The following CDH13 variants were observed in gnomAD, a reference collection of about 807,000 sequenced individuals.
The protein encoded by CDH13 is cadherin 13, also known as cadherin-13.
In CDH13, 24 loss-of-function variants were observed where a neutral mutation model predicts 63.8. That is an observed-to-expected ratio of 0.38 (90% CI 0.27 to 0.53). CDH13 has a LOEUF of 0.53. CDH13 is among the 20% of genes least tolerant of loss of function. The probability of loss-of-function intolerance (pLI) is 0.85; values close to 1 mark genes in which losing one functional copy is unlikely to be tolerated. For missense variants in CDH13, 1,049 were observed against 903.1 expected (o/e 1.16, Z -2.07); for synonymous variants, 503 against 355.3 (o/e 1.42, Z -4.67).
At chr16:83,129,531 G>T (rs930679204) in intron 4 of CDH13, among the ~76,000 whole-genome samples, 3 of 152,136 alleles carry the variant, frequency 2.0e-5, no homozygotes, top group Non-Finnish European at 4.4e-5. Context: ...GTAATGTCAG[G>T]GGCTAACTTT....
chr16:83,476,776 T>C (rs7498834), intron 6 of CDH13, among the ~76,000 whole-genome samples: 148,771 of 152,352 alleles, frequency 0.98, 72,745 homozygotes, highest in Middle Eastern at 1. Flanking sequence ...AGAGTTACAA[T>C]TACTTCAGGC....
intron 6 of CDH13, among the ~76,000 whole-genome samples, chr16:83,371,149 C>G (rs889604080): frequency 1.3e-5 from 2 of 152,244 alleles, no homozygotes; most frequent in South Asian, 2.1e-4. Context: ...GAACTTAAAA[C>G]TACCATTCAA....
chr16:83,422,553 C>T, intron 6 of CDH13, among the ~76,000 whole-genome samples: 1 of 152,196 alleles, frequency 6.6e-6, no homozygotes, highest in East Asian at 1.9e-4. Context: ...CGATAAATGT[C>T]TTGAAAGCTC....
At chr16:83,691,071 CGTGTGTGTGTGTGTGT>C (rs58023339) in intron 10 of CDH13, among the ~76,000 whole-genome samples, 125 of 140,992 alleles carry the variant, frequency 8.9e-4, no homozygotes, top group South Asian at 2.5e-3. Context: ...CCAACTGTGC[CGTGTGTGTGTGTGTGT>C]GTGTGTGTGT....
At chr16:83,026,219 G>A (rs1324447043) in intron 2 of CDH13, among the ~76,000 whole-genome samples, 1 of 152,202 alleles carries the variant, frequency 6.6e-6, no homozygotes, top group Non-Finnish European at 1.5e-5. Context: ...GATGCCCAAG[G>A]GGGCCATGTT....
intron 7 of CDH13, among the ~76,000 whole-genome samples, chr16:83,521,252 G>A (rs1284819422): frequency 6.6e-6 from 1 of 151,976 alleles, no homozygotes; most frequent in Non-Finnish European, 1.5e-5. Context: ...CAGCTTTAAG[G>A]CTTTATTATT....
intron 7 of CDH13, among the ~76,000 whole-genome samples, chr16:83,570,860 ATATATT>A (rs1567773600): frequency 7.2e-6 from 1 of 139,786 alleles, no homozygotes; most frequent in African/African-American, 2.6e-5. Context: ...ATAAATATAA[ATATATT>A]TATATATTTA....
intron 2 of CDH13, among the ~76,000 whole-genome samples, chr16:82,860,411 G>A (rs150320983): frequency 0.022 from 3,182 of 147,098 alleles, 96 homozygotes; most frequent in Middle Eastern, 0.1. Context: ...GGCGGTGTGC[G>A]TGTGTGCTTT....
intron 10 of CDH13, among the ~76,000 whole-genome samples, chr16:83,697,568 CATAAG>C (rs1411240364): frequency 6.6e-6 from 1 of 152,212 alleles, no homozygotes; most frequent in African/African-American, 2.4e-5. Context: ...CAGAAGTGCA[CATAAG>C]ATAAGGCCGT....
chr16:82,981,172 C>G (rs999264318), intron 2 of CDH13, among the ~76,000 whole-genome samples: 3 of 152,158 alleles, frequency 2.0e-5, no homozygotes, highest in Non-Finnish European at 2.9e-5. Flanking sequence ...AAAAATTATT[C>G]AAAAGGAGGG....
chr16:82,815,666 G>A (rs532776679), intron 1 of CDH13, among the ~76,000 whole-genome samples: 26 of 152,218 alleles, frequency 1.7e-4, no homozygotes, highest in African/African-American at 6.0e-4. Context: ...TTCTTTTCCA[G>A]TCTCCACAGG....
intron 2 of CDH13, among the ~76,000 whole-genome samples, chr16:83,021,170 A>G (rs1265866954): frequency 6.6e-6 from 1 of 152,098 alleles, no homozygotes; most frequent in African/African-American, 2.4e-5. Flanking sequence ...CACTTACTCA[A>G]ATCTTCACTT....
At chr16:83,388,939 A>C (rs1262152832) in intron 6 of CDH13, among the ~76,000 whole-genome samples, 1 of 152,184 alleles carries the variant, frequency 6.6e-6, no homozygotes, top group African/African-American at 2.4e-5. Context: ...GGTCTAAAGC[A>C]CAATTTTCAA....
chr16:83,515,771 C>T (rs1277032632), intron 7 of CDH13, among the ~76,000 whole-genome samples: 2 of 152,280 alleles, frequency 1.3e-5, no homozygotes, highest in Non-Finnish European at 2.9e-5. Context: ...TTTTAAAACA[C>T]ACCAAGCAAA....
At chr16:83,315,760 C>T (rs1427060016) in intron 5 of CDH13, among the ~76,000 whole-genome samples, 2 of 152,070 alleles carry the variant, frequency 1.3e-5, no homozygotes, top group East Asian at 1.9e-4. Flanking sequence ...AGGTGACCAT[C>T]AATTTATATC....
intron 7 of CDH13, among the ~76,000 whole-genome samples, chr16:83,513,454 T>C (rs978668064): frequency 2.0e-5 from 3 of 152,208 alleles, no homozygotes; most frequent in Admixed American, 2.0e-4. Flanking sequence ...CATGCTGCTA[T>C]AAAGACTTAC....
intron 3 of CDH13, among the ~76,000 whole-genome samples, chr16:83,071,079 C>G (rs1274220315): frequency 6.6e-6 from 1 of 152,036 alleles, no homozygotes; most frequent in African/African-American, 2.4e-5. Flanking sequence ...GCATGAGACA[C>G]CATGCCTCTT....
At chr16:83,643,842 C>T (rs1054569826) in intron 8 of CDH13, among the ~76,000 whole-genome samples, 9 of 152,132 alleles carry the variant, frequency 5.9e-5, no homozygotes, top group African/African-American at 2.2e-4. Context: ...CTGGAGAGCC[C>T]CCCAAGTTTC....
At chr16:83,285,952 A>G (rs1291932834) in intron 5 of CDH13, among the ~76,000 whole-genome samples, 2 of 152,198 alleles carry the variant, frequency 1.3e-5, no homozygotes, top group African/African-American at 2.4e-5. Context: ...GGCGAACTGG[A>G]GGGTTCCTGC....
Sources: gnomAD v4.1 joint callset for allele counts (sites outside exome capture counted in the v4.1 genomes callset) on GRCh38, gnomAD v4.1.1 for gene constraint, MANE v1.5 for transcripts, NCBI Gene and HGNC (gene_info 2026-07-23, HGNC 2026-07-21) for gene names.